ADGRV1: variants seen among roughly 807,000 people sequenced by gnomAD.
The protein encoded by ADGRV1 is G-protein coupled receptor 98.
Under a neutral mutation model 596.2 loss-of-function variants are expected in ADGRV1, and 359 were observed. The observed-to-expected ratio is 0.60, with a 90% CI of 0.55 to 0.66. The LOEUF is 0.66. Among genes scored for constraint, ADGRV1 ranks in the 30% least tolerant of loss-of-function variants. The pLI is 0.00. For synonymous variants in ADGRV1, 2,681 were observed against 2,679.2 expected, an observed-to-expected ratio of 1.00 and a Z score of -0.02; for missense variants, 7,274 against 7,575.6, an observed-to-expected ratio of 0.96 and a Z score of 1.48.
rs114520308 is a variant in ADGRV1 at position 90,804,106 on chromosome 5, G to A, written c.14662-1178G>A. Among the ~76,000 whole-genome samples the A allele has an allele frequency of 3.5e-3, 536 of 152,238 alleles. 5 individuals carry two copies. The highest frequency in any genetic ancestry group is 0.012 in the African/African-American group (515 of 41,554). On this transcript the variant is annotated intron_variant, in intron 71 of 89. Transcript: ENST00000405460. ...ACTCAAAGCTTTTGGCAGTTGCTAAGCAGAAGCCTCACTGGGCTGGGCATG... is the reference window on the plus strand; with the variant it reads ...ACTCAAAGCTTTTGGCAGTTGCTAAACAGAAGCCTCACTGGGCTGGGCATG...
In ADGRV1 at chr5:90,883,339, G is replaced by A. The variant is rs182303551; in HGVS notation, c.17856+19482G>A. Among the ~76,000 whole-genome samples, 299 of 152,222 alleles carry A rather than the reference G, an allele frequency of 2.0e-3. 1 individual carries two copies. The highest frequency in any genetic ancestry group is 6.6e-3 in the African/African-American group (275 of 41,534). The stretch of plus-strand genomic sequence containing the variant: ...AGAGGATTTTTATGCTGGAGAGGCA[G>A]CAAATATGTATTGATCCTTAAATAA... On this transcript the variant is annotated intron_variant, in intron 83 of 89. Coordinates refer to ENST00000405460, the MANE Select transcript of ADGRV1 (RefSeq NM_032119.4).
intron 85 of ADGRV1, among the ~76,000 whole-genome samples, chr5:91,037,224 C>T (rs1784983561): frequency 6.6e-6 from 1 of 152,128 alleles, no homozygotes; most frequent in Admixed American, 6.5e-5. Flanking sequence ...ATAACAGGTA[C>T]AAGCAAACAT....
chr5:90,617,848 A>C lies in ADGRV1; in HGVS notation c.252A>C (p.Ala84=). 6.2e-7 allele frequency: 1 copy of C among 1,600,726 alleles called. No individual in the cohort carries two copies. Among genetic ancestry groups the C allele is most frequent in the Non-Finnish European group, 8.5e-7 (1 of 1,172,820 alleles). Residue 84 remains alanine (A), a synonymous_variant, in exon 3 of 90, where the codon GCA becomes GCC. Transcript: ENST00000405460. ...DAGDFFDTYA[A]AFIPAGETNR... ...GTGACTTTTTTGACACATATGCTGC[A>C]GCTTTTATACCTGCCGGAGAAACAA... is the stretch of plus-strand genomic sequence containing the variant.
chr5:90,690,190 T>C lies in ADGRV1; in HGVS notation c.6706+114T>C, dbSNP rs985459849. 4.6e-6 allele frequency: 3 copies of C among 646,574 alleles called. No homozygotes were observed. The African/African-American group carries it at 5.5e-5, about 12-fold the overall frequency. 40.1% of individuals were successfully genotyped at this position (646,574 alleles called of 1,614,324 possible). A position where few individuals can be genotyped will look rare whatever the true frequency, so the allele number is the denominator to read the frequency against. ...TCTGATCATGCTTTCTTTCTTAACC[T>C]GCTGTTACTGACATATAGGACATCT... On this transcript the variant is annotated intron_variant, in intron 30 of 89. Coordinates refer to ENST00000405460, the MANE Select transcript of ADGRV1 (RefSeq NM_032119.4).
In ADGRV1 at chr5:90,694,728, C is replaced by A. The variant is rs10068473; in HGVS notation, c.7945+27C>A. ...TGAGCAATGGTTCTAAATGAATTTC[C>A]GTTGCCCCAGTAAAGTCATCATAGT... On this transcript the variant is annotated intron_variant, in intron 33 of 89. Transcript: ENST00000405460. 0.51 allele frequency: 768,863 copies of A among 1,518,756 alleles called. 199,569 individuals are homozygous for A. Among genetic ancestry groups the A allele is most frequent in the East Asian group, 0.81 (35,500 of 44,066 alleles). The allele number at this position is 1,518,756 out of a possible 1,614,324, so 94.1% of individuals were successfully genotyped here.
rs763414194 is a variant in ADGRV1, at chr5:90,810,404, C to T, written c.15144C>T (p.Ser5048=). ...TTTCTTATCAGACCACTGCAGGAAG[C>T]GCCAAGCCACTGGAAGATTTTGAGC... ...IKVSYQTTAG[S]AKPLEDFEPV... The change falls in exon 74 of 90, where the codon AGC becomes AGT. Residue 5048 remains serine, a synonymous_variant. Transcript: ENST00000405460. 5 of 1,613,602 alleles carry T rather than the reference C, an allele frequency of 3.1e-6. No individual in the cohort carries two copies. The highest frequency in any genetic ancestry group is 1.6e-4 in the Middle Eastern group (1 of 6,082).
chr5:90,958,115 A>C (rs548322458), intron 83 of ADGRV1, among the ~76,000 whole-genome samples: 22 of 151,832 alleles, frequency 1.4e-4, no homozygotes, highest in African/African-American at 5.1e-4. Flanking sequence ...GACTCTACAA[A>C]AAAAGAAAAA....
At chr5:90,715,099 A>G (rs1482710317) in intron 42 of ADGRV1, among the ~76,000 whole-genome samples, 2 of 152,230 alleles carry the variant, frequency 1.3e-5, no homozygotes, top group East Asian at 3.8e-4. Flanking sequence ...AGTAATTTAG[A>G]TCTTTTATAC....
intron 1 of ADGRV1, among the ~76,000 whole-genome samples, chr5:90,586,102 C>T (rs1166266201): frequency 6.6e-6 from 1 of 152,078 alleles, no homozygotes; most frequent in Non-Finnish European, 1.5e-5. Context: ...TGGAGTGTGC[C>T]ATTAAATATT....
chr5:90,646,769 C>T (rs968641061), intron 16 of ADGRV1, among the ~76,000 whole-genome samples: 71 of 107,872 alleles, frequency 6.6e-4, no homozygotes, highest in African/African-American at 2.5e-3. Flanking sequence ...TTCTTTCTTT[C>T]TTCTTCTTTT....
chr5:91,066,126 A>T lies in ADGRV1; in HGVS notation c.18153-6321A>T, dbSNP rs368628118. Reference sequence around the variant, plus strand: ...GGCCGTTGTCTCATTTTCTCTTCTCATATCTGCCAGATGTGTTCTTGAAGC... The same window carrying T: ...GGCCGTTGTCTCATTTTCTCTTCTCTTATCTGCCAGATGTGTTCTTGAAGC... On this transcript the variant is annotated intron_variant, in intron 85 of 89. Coordinates refer to ENST00000405460, the MANE Select transcript of ADGRV1 (RefSeq NM_032119.4). 9.8e-5 allele frequency among the ~76,000 whole-genome samples: 15 copies of T among 152,318 alleles called. No individual in the cohort carries two copies. In the East Asian group the frequency reaches 2.3e-3, roughly 23 times the overall value.
chr5:91,039,634 C>T (rs928837956), intron 85 of ADGRV1, among the ~76,000 whole-genome samples: 8 of 152,130 alleles, frequency 5.3e-5, no homozygotes, highest in Non-Finnish European at 1.2e-4. Context: ...TAATAAATGT[C>T]CACTTCCGAT....
rs550878154 is a variant in ADGRV1, at chr5:90,870,296, A to T, written c.17856+6439A>T. 5.9e-5 allele frequency among the ~76,000 whole-genome samples: 9 copies of T among 152,278 alleles called. 2 individuals carry two copies. In the South Asian group the frequency reaches 1.9e-3, roughly 32 times the overall value. On this transcript the variant is annotated intron_variant, in intron 83 of 89. Coordinates refer to ENST00000405460, the MANE Select transcript of ADGRV1 (RefSeq NM_032119.4). ...TTTACTCTTATAACAACCAGATGAG[A>T]TGGGTACTGTTATCATCCCTAAAGA...
At position 90,694,148 on chromosome 5, in the gene ADGRV1, C is replaced by T; in HGVS notation, c.7392C>T (p.Phe2464=). 6.2e-7 allele frequency: 1 copy of T among 1,613,826 alleles called. No individual in the cohort carries two copies. The highest frequency in any genetic ancestry group is 8.5e-7 in the Non-Finnish European group (1 of 1,179,830). The change falls in exon 33 of 90, where the codon TTC becomes TTT. Residue 2464 remains phenylalanine, a synonymous_variant. Coordinates refer to ENST00000405460, the MANE Select transcript of ADGRV1 (RefSeq NM_032119.4). The stretch of plus-strand genomic sequence containing the variant: ...GTGCTTCTGAGGGTCCCCAGTGTTT[C>T]TGGATGACATCATGGATCAGCCCAG... ...FFSASEGPQC[F]WMTSWISPAV...
chr5:90,713,222 A>G (rs761032943), intron 42 of ADGRV1, among the ~76,000 whole-genome samples: 5 of 152,036 alleles, frequency 3.3e-5, no homozygotes, highest in African/African-American at 4.8e-5. Context: ...ATTGGCCTTT[A>G]TGGAGAAATT....
intron 1 of ADGRV1, among the ~76,000 whole-genome samples, chr5:90,568,913 C>G (rs941624451): frequency 6.6e-6 from 1 of 151,934 alleles, no homozygotes; most frequent in African/African-American, 2.4e-5. Context: ...CTATTTTGTC[C>G]AATATTAATG....
intron 83 of ADGRV1, among the ~76,000 whole-genome samples, chr5:90,903,818 A>G (rs1772067900): frequency 6.6e-6 from 1 of 151,972 alleles, no homozygotes; most frequent in Non-Finnish European, 1.5e-5. Context: ...TTAAATTATT[A>G]TTGACTATAG....
At chr5:90,736,689 G>T (rs948538544) in intron 50 of ADGRV1, among the ~76,000 whole-genome samples, 2 of 151,820 alleles carry the variant, frequency 1.3e-5, no homozygotes, top group African/African-American at 4.8e-5. Flanking sequence ...TCATGATTCA[G>T]TCTTAGTAGG....
At chr5:90,588,250 G>T (rs1220820705) in intron 1 of ADGRV1, among the ~76,000 whole-genome samples, 1 of 152,142 alleles carries the variant, frequency 6.6e-6, no homozygotes, top group Non-Finnish European at 1.5e-5. Flanking sequence ...TATAGAGGGA[G>T]GAAAAGAATG....
Sources: gnomAD v4.1 joint callset for allele counts (sites outside exome capture counted in the v4.1 genomes callset) on GRCh38, gnomAD v4.1.1 for gene constraint, MANE v1.5 for transcripts, NCBI Gene and HGNC (gene_info 2026-07-23, HGNC 2026-07-21) for gene names.